Variants in NECAB3 observed in about 807,000 individuals in gnomAD.
NECAB3 encodes the protein N-terminal EF-hand calcium binding protein 3, also known as N-terminal EF-hand calcium-binding protein 3.
A neutral mutation model predicts 57.2 loss-of-function variants in NECAB3; 38 were observed. That is an observed-to-expected ratio of 0.66 (90% confidence interval 0.51 to 0.87). The LOEUF (loss-of-function observed/expected upper bound fraction) is 0.87, where lower values mean the gene tolerates loss of function less well. Ranked by LOEUF, NECAB3 falls within the 40% of genes least tolerant of loss-of-function variation. NECAB3 has a pLI of 0.00. For synonymous variants in NECAB3, 223 were observed against 222.6 expected, an observed-to-expected ratio of 1.00 and a Z score of -0.02; for missense variants, 474 against 527.5, an observed-to-expected ratio of 0.90 and a Z score of 0.99.
Position 33,659,578 on chromosome 20 carries a change from C to A in NECAB3, c.798G>T (p.Arg266Ser), listed in dbSNP as rs756402431. ...GTGAGGGCACAGAGTGTGGGCCGGG[C>A]CTCCAGCATGGGCCTGGCTCTGGTG... ...WYPPEPGPCW[R>S]PGPHSVPSQA... is the part of the protein sequence containing the mutation. Residue 266 changes from arginine to serine, a missense_variant, in exon 8 of 12, where the codon AGG becomes AGT. By Grantham distance (110) the Arg-to-Ser change is moderately radical (BLOSUM62 -1). Coordinates refer to ENST00000246190, the MANE Select transcript of NECAB3 (RefSeq NM_031232.4). The A allele has an allele frequency of 1.9e-6, 3 of 1,595,158 alleles. No homozygotes were observed. The African/African-American group carries it at 4.0e-5, about 21-fold the overall frequency.
Position 33,660,095 on chromosome 20 carries a change from C to A in NECAB3, c.525-92G>T, listed in dbSNP as rs1261980804. On this transcript the variant is annotated intron_variant, in intron 6 of 11. Coordinates refer to ENST00000246190, the MANE Select transcript of NECAB3 (RefSeq NM_031232.4). The surrounding 1 kb of genome is among the most constrained non-coding windows in gnomAD (Gnocchi z 4.1). Reference sequence around the variant, plus strand: ...AGACAAGCCTCCTGGGACTCCGAGGCCTAGCCCCAAAGCCAGTCTCATTTC... The same window carrying A: ...AGACAAGCCTCCTGGGACTCCGAGGACTAGCCCCAAAGCCAGTCTCATTTC... 26 of 1,521,920 alleles carry A rather than the reference C, an allele frequency of 1.7e-5. No homozygotes were observed. The highest frequency in any genetic ancestry group is 2.1e-5 in the Non-Finnish European group (24 of 1,136,964). The allele number at this position is 1,521,920 out of a possible 1,614,324, so 94.3% of individuals were successfully genotyped here. A position where few individuals can be genotyped will look rare whatever the true frequency, so the allele number is the denominator to read the frequency against.
In NECAB3 at chr20:33,674,389, G is replaced by A. The variant is rs1034087654; in HGVS notation, c.-37C>T. On this transcript the variant is annotated 5_prime_UTR_variant, in exon 1 of 12. Coordinates refer to ENST00000246190, the MANE Select transcript of NECAB3 (RefSeq NM_031232.4). Reference sequence around the variant, plus strand: ...CCGCTCGGGCTCGGCTGCGGTTGCTGCCGACCCTGGACGCCGCGGCGGACT... The same window carrying A: ...CCGCTCGGGCTCGGCTGCGGTTGCTACCGACCCTGGACGCCGCGGCGGACT... The A allele has an allele frequency of 7.8e-5, 90 of 1,148,096 alleles. No homozygotes were observed. The highest frequency in any genetic ancestry group is 9.3e-5 in the Non-Finnish European group (87 of 934,572). 71.1% of individuals were successfully genotyped at this position (1,148,096 alleles called of 1,614,324 possible).
chr20:33,663,847 T>G (rs902588830), intron 5 of NECAB3: 1 of 1,404,608 alleles, frequency 7.1e-7, no homozygotes, highest in Non-Finnish European at 9.2e-7. Context: ...ACGGTGCCGC[T>G]GCCCTCGCCC....
intron 5 of NECAB3, among the ~76,000 whole-genome samples, chr20:33,666,167 A>G (rs2017644306): frequency 6.6e-6 from 1 of 152,198 alleles, no homozygotes; most frequent in Non-Finnish European, 1.5e-5. Context: ...GTAGGGCCAG[A>G]GCCTCTCGGG....
At chr20:33,662,590 TGAGG>T in intron 5 of NECAB3, 1 of 1,197,890 alleles carries the variant, frequency 8.3e-7, no homozygotes, top group Non-Finnish European at 1.2e-6. Context: ...TCCTAGGGGG[TGAGG>T]GAGGAATTCG....
chr20:33,666,740 C>A (rs531681422), intron 5 of NECAB3: 1 of 152,504 alleles, frequency 6.6e-6, no homozygotes, highest in Non-Finnish European at 1.5e-5. Flanking sequence ...TGAAGCCCGG[C>A]GCCAGAGGGA....
intron 5 of NECAB3, chr20:33,663,545 T>A: frequency 6.2e-7 from 1 of 1,610,524 alleles, no homozygotes; most frequent in Non-Finnish European, 8.5e-7. Context: ...AGGATCGTGC[T>A]GATTCTCCCC....
At chr20:33,667,827 C>T in intron 5 of NECAB3, 1 of 1,611,760 alleles carries the variant, frequency 6.2e-7, no homozygotes, top group Non-Finnish European at 8.5e-7. Context: ...GCGTGGGTAA[C>T]GGGTGCTGCG....
chr20:33,669,657 G>A (rs888196409), intron 4 of NECAB3, 30 bp downstream of exon 4: 2 of 1,576,608 alleles, frequency 1.3e-6, no homozygotes, highest in East Asian at 2.3e-5. Flanking sequence ...AGGGGCCACA[G>A]GAGAAAAGAG....
rs372654821 is a variant in NECAB3, at chr20:33,672,388, C to G, written c.154+10G>C. ...GCCCCACTGTGGGACCCAGGGGAAG[C>G]CACACTCACCATTCTTGTCTGCTCT... On this transcript the variant is annotated intron_variant, in intron 2 of 11. Coordinates refer to ENST00000246190, the MANE Select transcript of NECAB3 (RefSeq NM_031232.4). The G allele has an allele frequency of 5.0e-6, 8 of 1,614,146 alleles. No individual in the cohort carries two copies. The African/African-American group carries it at 1.1e-4, about 22-fold the overall frequency.
chr20:33,669,896 G>T (rs966744760), intron 3 of NECAB3, among the ~76,000 whole-genome samples, 184 bp from the exon 4 acceptor site: 2 of 152,152 alleles, frequency 1.3e-5, no homozygotes. Flanking sequence ...GGGTTCTACT[G>T]CCCCCACCAA....
At chr20:33,673,533 C>T (rs1453235452) in intron 1 of NECAB3, among the ~76,000 whole-genome samples, 1 of 152,156 alleles carries the variant, frequency 6.6e-6, no homozygotes, top group Non-Finnish European at 1.5e-5. Flanking sequence ...AGACATATCC[C>T]CTCAGGCCTT....
intron 1 of NECAB3, among the ~76,000 whole-genome samples, chr20:33,673,626 G>A (rs1402318014): frequency 6.6e-6 from 1 of 152,190 alleles, no homozygotes; most frequent in African/African-American, 2.4e-5. Flanking sequence ...AGGGGCAGTG[G>A]GGAGGGGGTG....
In NECAB3 at chr20:33,659,995, G is replaced by C; in HGVS notation, c.533C>G (p.Ala178Gly). The C allele has an allele frequency of 6.4e-7, 1 of 1,574,756 alleles. No individual in the cohort carries two copies. The highest frequency in any genetic ancestry group is 2.3e-5 in the East Asian group (1 of 43,522). ...CCTGCTCTGCGCCTCCACGCTCTCT[G>C]CATCTGACCTAGAGGAAGTGAGGCT... ...EAQAHGWRSD[A>G]ESVEAQSRLC... Residue 178 changes from alanine (A) to glycine (G), a missense_variant, in exon 7 of 12, where the codon GCA (alanine) becomes GGA (glycine). Ala to Gly is a moderately conservative substitution (Grantham distance 60, BLOSUM62 0). Transcript: ENST00000246190.
At chr20:33,668,995 C>T (rs570268179) in intron 5 of NECAB3, 7 of 253,260 alleles carry the variant, frequency 2.8e-5, no homozygotes, top group African/African-American at 9.1e-5. Flanking sequence ...CAGCCTTCCA[C>T]GCCTAGCCCA....
At chr20:33,671,835 G>A (rs1030706547) in intron 2 of NECAB3, among the ~76,000 whole-genome samples, 1 of 152,148 alleles carries the variant, frequency 6.6e-6, no homozygotes, top group African/African-American at 2.4e-5. Context: ...GTTTAGTTGT[G>A]TCCTCCAAGA....
rs2017312928 is a variant in NECAB3, at chr20:33,657,123, G to A, written c.*706C>T. ...ACTGCCTTTATTGCCTCTGTGCTGG[G>A]GTCCCAGCCTGGGGTTCAGAGGCCT... On this transcript the variant is annotated 3_prime_UTR_variant, in exon 12 of 12. Coordinates refer to ENST00000246190, the MANE Select transcript of NECAB3 (RefSeq NM_031232.4). 1 of 152,662 alleles carries A rather than the reference G, an allele frequency of 6.6e-6. No homozygotes were observed. Among genetic ancestry groups the A allele is most frequent in the South Asian group, 2.1e-4 (1 of 4,834 alleles). The allele number at this position is 152,662 out of a possible 1,614,324, so 9.5% of individuals were successfully genotyped here.
At position 33,663,666 on chromosome 20, in the gene NECAB3, C is replaced by A. The variant is rs767896556; in HGVS notation, c.388-3271G>T. 8 of 1,574,188 alleles carry A rather than the reference C, an allele frequency of 5.1e-6. No homozygotes were observed. The South Asian group carries it at 9.1e-5, about 18-fold the overall frequency. On this transcript the variant is annotated intron_variant, in intron 5 of 11. Transcript: ENST00000246190. ...GATTGCGCGGAGCGGGCGAAGGTAGCGAGCGCGAGCCGAGGATGCCGGTAC... is the reference window on the plus strand; with the variant it reads ...GATTGCGCGGAGCGGGCGAAGGTAGAGAGCGCGAGCCGAGGATGCCGGTAC...
intron 5 of NECAB3, among the ~76,000 whole-genome samples, chr20:33,661,603 A>G (rs1345999126): frequency 6.6e-6 from 1 of 152,240 alleles, no homozygotes; most frequent in East Asian, 1.9e-4. Context: ...CAGAGAACAG[A>G]CAGAAGCACC....
Sources: allele counts gnomAD v4.1 joint callset (sites outside exome capture counted in the v4.1 genomes callset), GRCh38; gene constraint gnomAD v4.1.1; non-coding constraint Gnocchi (gnomAD v3.1); transcripts MANE v1.5; gene names NCBI Gene and HGNC (gene_info 2026-07-23, HGNC 2026-07-21).